The following MESD variants were observed in gnomAD, a reference collection of about 807,000 sequenced individuals.
MESD encodes LRP chaperone MESD.
In MESD, 7 loss-of-function variants were observed where a neutral mutation model predicts 12.9. The observed-to-expected ratio is 0.54, with a 90% CI of 0.31 to 1.02. The LOEUF (loss-of-function observed/expected upper bound fraction) is 1.02. Among genes scored for constraint, MESD ranks in the 50% least tolerant of loss-of-function variants. MESD has a pLI of 0.05. For synonymous variants in MESD, 126 were observed against 115.6 expected (o/e 1.09, Z -0.58); for missense variants, 342 against 296.7 (o/e 1.15, Z -1.12).
chr15:80,965,891 G>A lies in MESD; in HGVS notation c.*288+13040C>T, dbSNP rs76232321. 1.3e-4 allele frequency among the ~76,000 whole-genome samples: 20 copies of A among 152,110 alleles called. No homozygotes were observed. In the East Asian group the frequency reaches 2.7e-3, roughly 21 times the overall value. On this transcript the variant is annotated intron_variant, in intron 3 of 4. Transcript: ENST00000561312. ...TGGGTGCAGCAAACCAACATGGAAC[G>A]TGTATACCTATGTAACAAACCTGCA...
chr15:80,974,893 G>T (rs1902372313), downstream of MESD, among the ~76,000 whole-genome samples: 1 of 150,756 alleles, frequency 6.6e-6, no homozygotes, highest in Non-Finnish European at 1.5e-5. Context: ...ATTAAAAAAA[G>T]AATGAAGAAT....
At position 80,978,907 on chromosome 15, in the gene MESD, A is replaced by G. The variant is rs569860679; in HGVS notation, c.*312T>C. On this transcript the variant is annotated 3_prime_UTR_variant, in exon 3 of 3. Transcript: ENST00000261758. ...CAGCAGGTGCTTGGAGGGGAGTGGAATCTCAGTAGAGTTGATGACTCACCA... is the reference window on the plus strand; with the variant it reads ...CAGCAGGTGCTTGGAGGGGAGTGGAGTCTCAGTAGAGTTGATGACTCACCA... 7.3e-4 allele frequency: 271 copies of G among 372,408 alleles called. No homozygotes were observed. In the East Asian group the frequency reaches 0.013, roughly 17 times the overall value. 23.1% of individuals were successfully genotyped at this position (372,408 alleles called of 1,614,324 possible).
At chr15:80,967,641 G>A (rs1403046317) in intron 3 of MESD, among the ~76,000 whole-genome samples, 5 of 152,154 alleles carry the variant, frequency 3.3e-5, no homozygotes, top group South Asian at 2.1e-4. Context: ...GGAAGAATGC[G>A]GGCTGGCCTG....
At chr15:80,954,556 T>C (rs1901925449) in intron 3 of MESD, among the ~76,000 whole-genome samples, 1 of 152,084 alleles carries the variant, frequency 6.6e-6, no homozygotes, top group Admixed American at 6.5e-5. Flanking sequence ...AGTGCCCTCA[T>C]GTCCTCAGGG....
intron 3 of MESD, among the ~76,000 whole-genome samples, chr15:80,954,367 C>T (rs1045636125): frequency 6.6e-6 from 1 of 152,234 alleles, no homozygotes; most frequent in Non-Finnish European, 1.5e-5. Context: ...CCGACCCTAG[C>T]GCAACCCTCC....
chr15:80,958,478 G>A (rs1902027684), intron 3 of MESD, among the ~76,000 whole-genome samples: 1 of 152,086 alleles, frequency 6.6e-6, no homozygotes, highest in Non-Finnish European at 1.5e-5. Flanking sequence ...CCACAGGCAT[G>A]CGCCACCACA....
intron 4 of MESD, chr15:80,950,415 G>C (rs1043021815): frequency 1.3e-5 from 2 of 152,294 alleles, no homozygotes; most frequent in African/African-American, 2.4e-5. Flanking sequence ...GAAATGACTA[G>C]AGTAGAATGA....
At chr15:80,964,296 T>C (rs984969876) in intron 3 of MESD, among the ~76,000 whole-genome samples, 1 of 152,150 alleles carries the variant, frequency 6.6e-6, no homozygotes, top group Non-Finnish European at 1.5e-5. Flanking sequence ...CAAGGAGAAC[T>C]ACAAACCACT....
intron 3 of MESD, among the ~76,000 whole-genome samples, chr15:80,965,783 T>A (rs888470450): frequency 6.6e-6 from 1 of 151,976 alleles, no homozygotes; most frequent in African/African-American, 2.4e-5. Context: ...GAGGGGAGCA[T>A]CACACACCAG....
At chr15:80,959,835 T>C (rs756748517) in intron 3 of MESD, among the ~76,000 whole-genome samples, 14 of 149,454 alleles carry the variant, frequency 9.4e-5, no homozygotes, top group Non-Finnish European at 1.9e-4. Context: ...GTAAGAGCAG[T>C]GGTGTGCAGG....
intron 3 of MESD, among the ~76,000 whole-genome samples, chr15:80,968,280 G>A (rs1349975225): frequency 2.0e-5 from 3 of 152,220 alleles, no homozygotes; most frequent in African/African-American, 4.8e-5. Context: ...TGGGCAAGGT[G>A]GCCATTCTCC....
chr15:80,965,924 C>T (rs1032567194), intron 3 of MESD, among the ~76,000 whole-genome samples: 6 of 151,804 alleles, frequency 4.0e-5, no homozygotes, highest in African/African-American at 1.5e-4. Context: ...GCACGTTGTG[C>T]ACATGTACCC....
chr15:80,975,644 A>T (rs1456339399), downstream of MESD: 2 of 152,158 alleles, frequency 1.3e-5, no homozygotes, highest in Non-Finnish European at 2.9e-5. Context: ...GAGGTTTAAC[A>T]GTATAAGGGA....
Position 80,989,081 on chromosome 15 carries a change from T to C in MESD, c.213+498A>G, listed in dbSNP as rs1893224658. Among the ~76,000 whole-genome samples, 7 of 152,076 alleles carry C rather than the reference T, an allele frequency of 4.6e-5. No individual in the cohort carries two copies. In the South Asian group the frequency reaches 1.2e-3, roughly 27 times the overall value. ...TTCCCAGCAGGGACATATACCAAAA[T>C]AGGAAGTCTAAAATTATACTGATTT... On this transcript the variant is annotated intron_variant, in intron 1 of 2. Transcript: ENST00000261758.
At chr15:80,971,570 T>G (rs1001318677), downstream of MESD, among the ~76,000 whole-genome samples, 3 of 152,220 alleles carry the variant, frequency 2.0e-5, no homozygotes, top group Admixed American at 6.5e-5. Context: ...TTGTCTTCAC[T>G]GTATTCAGAG....
At chr15:80,983,059 T>C (rs191755290) in intron 1 of MESD, among the ~76,000 whole-genome samples, 94 of 152,072 alleles carry the variant, frequency 6.2e-4, no homozygotes, top group African/African-American at 2.0e-3. Context: ...CTGGGCAACA[T>C]AGTGAGATCC....
intron 3 of MESD, among the ~76,000 whole-genome samples, chr15:80,953,651 G>C (rs1901901023): frequency 1.3e-5 from 2 of 152,170 alleles, no homozygotes; most frequent in Non-Finnish European, 2.9e-5. Context: ...AAGTGAAGAA[G>C]GGCAAAGAAC....
downstream of MESD, among the ~76,000 whole-genome samples, chr15:80,975,214 A>C (rs540402255): frequency 2.3e-3 from 342 of 148,396 alleles, no homozygotes; most frequent in African/African-American, 6.7e-3. Flanking sequence ...TCTCCAAAAA[A>C]AAAAAACAAA....
intron 1 of MESD, among the ~76,000 whole-genome samples, chr15:80,987,049 C>T (rs1315393306): frequency 1.3e-5 from 2 of 152,212 alleles, no homozygotes; most frequent in East Asian, 3.8e-4. Context: ...CCAAATCCCT[C>T]CAACTGCCTC....
Sources: allele counts gnomAD v4.1 joint callset (sites outside exome capture counted in the v4.1 genomes callset), GRCh38; gene constraint gnomAD v4.1.1; transcripts MANE v1.5; gene names NCBI Gene and HGNC (gene_info 2026-07-23, HGNC 2026-07-21).